The following NTNG1 variants were observed in gnomAD, a reference collection of about 807,000 sequenced individuals.
NTNG1 encodes netrin-G1.
NTNG1 carries 16 observed loss-of-function variants against 54.0 expected under a neutral mutation model. The ratio of observed to expected loss-of-function variants is 0.30; its 90% CI spans 0.20 to 0.45. The LOEUF is 0.45. Among genes scored for constraint, NTNG1 ranks in the 20% least tolerant of loss-of-function variants. The pLI is 1.00. For synonymous variants in NTNG1, 255 were observed against 263.1 expected (o/e 0.97, Z 0.30); for missense variants, 530 against 678.7 (o/e 0.78, Z 2.43).
chr1:107,439,732 C>G (rs1675848149), intron 7 of NTNG1, among the ~76,000 whole-genome samples: 1 of 152,058 alleles, frequency 6.6e-6, no homozygotes, highest in Admixed American at 6.6e-5. Flanking sequence ...CCTGAAGTGC[C>G]TTCCCCTGGG....
chr1:107,370,934 T>C (rs183480174), intron 3 of NTNG1, among the ~76,000 whole-genome samples: 2 of 152,270 alleles, frequency 1.3e-5, no homozygotes, highest in Admixed American at 6.5e-5. Context: ...ATATTGATCT[T>C]ATATACTGCA....
intron 7 of NTNG1, among the ~76,000 whole-genome samples, chr1:107,465,105 C>T (rs980175363): frequency 1.3e-5 from 2 of 152,092 alleles, no homozygotes; most frequent in African/African-American, 2.4e-5. Context: ...TACTTGGAGG[C>T]GTTAATGAAA....
rs56271895 is a variant in NTNG1 at position 107,203,574 on chromosome 1, CTGTGTG to C, written c.246+54747_246+54752del. On this transcript the variant is annotated intron_variant, in intron 2 of 7. Transcript: ENST00000370068. ...ATAGAGTTATTCATATATATAGTTACTGTGTGTGTGTGTGTGTATATATATACACAT... is the reference window on the plus strand; with the variant it reads ...ATAGAGTTATTCATATATATAGTTACTGTGTGTGTGTATATATATACACAT... Among the ~76,000 whole-genome samples the C allele has an allele frequency of 1.5e-3, 222 of 150,106 alleles. 2 individuals are homozygous for C. The highest frequency in any genetic ancestry group is 0.014 in the South Asian group (68 of 4,720).
At chr1:107,413,633 G>A (rs1248736739) in intron 5 of NTNG1, among the ~76,000 whole-genome samples, 6 of 152,188 alleles carry the variant, frequency 3.9e-5, no homozygotes, top group South Asian at 2.1e-4. Flanking sequence ...TCATATCATC[G>A]TGGTATCCTG....
intron 3 of NTNG1, among the ~76,000 whole-genome samples, chr1:107,349,914 AG>A (rs1669501027): frequency 6.6e-6 from 1 of 152,204 alleles, no homozygotes; most frequent in African/African-American, 2.4e-5. Flanking sequence ...GTGTGCAAAA[AG>A]TATCTAGGGA....
chr1:107,307,789 T>C (rs1165996875), intron 2 of NTNG1, among the ~76,000 whole-genome samples: 3 of 152,218 alleles, frequency 2.0e-5, no homozygotes, highest in Admixed American at 6.5e-5. Context: ...TTTCTCTCTG[T>C]CTTCTAACAC....
At chr1:107,434,408 G>A (rs911361242) in intron 6 of NTNG1, among the ~76,000 whole-genome samples, 3 of 152,118 alleles carry the variant, frequency 2.0e-5, no homozygotes, top group Non-Finnish European at 2.9e-5. Flanking sequence ...TAATGACATA[G>A]CAATTACATG....
intron 6 of NTNG1, 138 bp from the exon 7 acceptor site, chr1:107,436,527 C>A: frequency 1.7e-6 from 1 of 591,560 alleles, no homozygotes; most frequent in East Asian, 3.1e-5. Flanking sequence ...TGTGAAATAG[C>A]CATATTTGCC....
chr1:107,327,185 A>T (rs894286382), intron 3 of NTNG1, among the ~76,000 whole-genome samples: 6 of 152,100 alleles, frequency 3.9e-5, no homozygotes, highest in Non-Finnish European at 8.8e-5. Context: ...TCACCTCCAG[A>T]CTTTGTCCAA....
At chr1:107,398,547 GC>G (rs1331499512) in intron 4 of NTNG1, among the ~76,000 whole-genome samples, 1 of 152,040 alleles carries the variant, frequency 6.6e-6, no homozygotes, top group East Asian at 1.9e-4. Context: ...CTAAAATATA[GC>G]CACCCCAGTC....
intron 2 of NTNG1, among the ~76,000 whole-genome samples, chr1:107,174,478 G>A (rs4351674): frequency 0.76 from 115,168 of 151,838 alleles, 44,688 homozygotes; most frequent in Middle Eastern, 0.87. Context: ...TTGTTCTTCT[G>A]TAGAAGCCAT....
intron 2 of NTNG1, among the ~76,000 whole-genome samples, chr1:107,311,171 T>A (rs867084077): frequency 1.3e-5 from 2 of 152,188 alleles, no homozygotes; most frequent in Non-Finnish European, 2.9e-5. Flanking sequence ...GCATGACCAT[T>A]GTAAATTTAC....
chr1:107,371,663 G>T (rs1670930887), intron 3 of NTNG1, among the ~76,000 whole-genome samples: 1 of 151,870 alleles, frequency 6.6e-6, no homozygotes, highest in Admixed American at 6.6e-5. Context: ...AATCAGTAGT[G>T]AATTCTACGA....
intron 2 of NTNG1, among the ~76,000 whole-genome samples, chr1:107,185,914 T>G (rs775172634): frequency 9.9e-5 from 15 of 152,176 alleles, no homozygotes; most frequent in Non-Finnish European, 2.1e-4. Flanking sequence ...AAGTGCAGTT[T>G]TGTTACATAA....
In NTNG1 at chr1:107,336,629, G is replaced by A. The variant is rs537312630; in HGVS notation, c.887+11707G>A. Among the ~76,000 whole-genome samples, 11 of 152,020 alleles carry A rather than the reference G, an allele frequency of 7.2e-5. No homozygotes were observed. The South Asian group carries it at 1.0e-3, about 14-fold the overall frequency. On this transcript the variant is annotated intron_variant, in intron 3 of 7. Transcript: ENST00000370068. Reference sequence around the variant, plus strand: ...AAAAGCAAAAATGGGTAAGTTGAACGTCATCAAAATTAACAACTTTTGTGC... The same window carrying A: ...AAAAGCAAAAATGGGTAAGTTGAACATCATCAAAATTAACAACTTTTGTGC...
At position 107,411,942 on chromosome 1, in the gene NTNG1, C is replaced by T. The variant is rs934629683; in HGVS notation, c.1087+4234C>T. ...GCCTCTTTAATCCTGAAGAACAAAT[C>T]GAATATTCCAATGGAGGAGCTGAAA... On this transcript the variant is annotated intron_variant, in intron 5 of 7. Coordinates refer to ENST00000370068, the MANE Select transcript of NTNG1 (RefSeq NM_001113226.3). Among the ~76,000 whole-genome samples, 10 of 152,106 alleles carry T rather than the reference C, an allele frequency of 6.6e-5. 1 individual carries two copies. The East Asian group carries it at 1.3e-3, about 20-fold the overall frequency.
chr1:107,176,406 A>T (rs372089561), intron 2 of NTNG1, among the ~76,000 whole-genome samples: 17 of 152,316 alleles, frequency 1.1e-4, no homozygotes, highest in African/African-American at 4.1e-4. Flanking sequence ...TGGAGGAATA[A>T]GTTCGCTGAA....
At chr1:107,227,695 C>T (rs11185071) in intron 2 of NTNG1, among the ~76,000 whole-genome samples, 5,844 of 152,052 alleles carry the variant, frequency 0.038, 302 homozygotes, top group African/African-American at 0.12. Flanking sequence ...CTCTCACACA[C>T]ACACATACAC....
intron 2 of NTNG1, among the ~76,000 whole-genome samples, chr1:107,237,667 C>T (rs1661504094): frequency 6.6e-6 from 1 of 152,124 alleles, no homozygotes; most frequent in Admixed American, 6.5e-5. Context: ...TCCAGCTACC[C>T]CAGCTGTGGC....
Sources: allele counts gnomAD v4.1 joint callset (sites outside exome capture counted in the v4.1 genomes callset), GRCh38; gene constraint gnomAD v4.1.1; transcripts MANE v1.5; gene names NCBI Gene and HGNC (gene_info 2026-07-23, HGNC 2026-07-21).